Variants in SMYD3 observed in about 807,000 individuals in gnomAD.
The protein encoded by SMYD3 is histone-lysine N-methyltransferase SMYD3.
In SMYD3, 36 loss-of-function variants were observed where a neutral mutation model predicts 57.7. The observed-to-expected ratio is 0.62, with a 90% CI of 0.48 to 0.82. The LOEUF (loss-of-function observed/expected upper bound fraction) is 0.82. SMYD3 is among the 40% of genes least tolerant of loss of function. SMYD3 has a pLI of 0.00. For missense variants in SMYD3, 515 were observed against 538.8 expected (o/e 0.96, Z 0.44); for synonymous variants, 211 against 195.0 (o/e 1.08, Z -0.68).
In SMYD3 at chr1:245,769,489, G is replaced by A. The variant is rs146085175; in HGVS notation, c.1077-5340C>T. Among the ~76,000 whole-genome samples the A allele has an allele frequency of 5.7e-3, 870 of 152,264 alleles. 6 individuals are homozygous for A. The highest frequency in any genetic ancestry group is 0.019 in the African/African-American group (772 of 41,534). Reference sequence around the variant, plus strand: ...GGAAATTCTACAAAAGCCCGGACCCGGGATCTTCAACAAGTCAATCACATC... The same window carrying A: ...GGAAATTCTACAAAAGCCCGGACCCAGGATCTTCAACAAGTCAATCACATC... On this transcript the variant is annotated intron_variant, in intron 10 of 11. Transcript: ENST00000490107.
intron 1 of SMYD3, among the ~76,000 whole-genome samples, chr1:246,488,504 T>C (rs6693307): frequency 0.091 from 13,824 of 152,198 alleles, 2,038 homozygotes; most frequent in African/African-American, 0.31. Context: ...CCTGACAACC[T>C]GGTGAAACCC....
At chr1:245,753,567 C>T (rs890079686) in intron 11 of SMYD3, among the ~76,000 whole-genome samples, 1 of 131,364 alleles carries the variant, frequency 7.6e-6, no homozygotes, top group Admixed American at 7.3e-5. Flanking sequence ...AGACAGTCCT[C>T]AACAATGTAC....
At chr1:246,261,710 A>ATT (rs1225118547) in intron 5 of SMYD3, among the ~76,000 whole-genome samples, 37 of 151,636 alleles carry the variant, frequency 2.4e-4, no homozygotes, top group East Asian at 1.2e-3. Flanking sequence ...AAGAATTTAA[A>ATT]AAAAAAATCA....
At chr1:245,861,788 T>C (rs2051562956) in intron 9 of SMYD3, among the ~76,000 whole-genome samples, 1 of 152,206 alleles carries the variant, frequency 6.6e-6, no homozygotes, top group Non-Finnish European at 1.5e-5. Flanking sequence ...GATGCCGCCA[T>C]AAGTCTGTAT....
chr1:246,149,436 G>GT (rs2061907651), intron 5 of SMYD3, among the ~76,000 whole-genome samples: 1 of 152,050 alleles, frequency 6.6e-6, no homozygotes, highest in Non-Finnish European at 1.5e-5. Context: ...TTATTAATAT[G>GT]TTTCAAAATA....
intron 5 of SMYD3, among the ~76,000 whole-genome samples, chr1:246,024,009 G>A (rs983842741): frequency 6.6e-6 from 1 of 152,120 alleles, no homozygotes; most frequent in Non-Finnish European, 1.5e-5. Context: ...TGTTAGGTGG[G>A]AGGGGATAAA....
chr1:246,500,603 T>C (rs1311277652), intron 1 of SMYD3, among the ~76,000 whole-genome samples: 1 of 152,180 alleles, frequency 6.6e-6, no homozygotes, highest in Non-Finnish European at 1.5e-5. Context: ...GACCAGTTAC[T>C]ACTGGCAGCA....
chr1:246,266,457 T>C (rs980825385), intron 5 of SMYD3, among the ~76,000 whole-genome samples: 1 of 152,136 alleles, frequency 6.6e-6, no homozygotes, highest in Non-Finnish European at 1.5e-5. Flanking sequence ...ATGCCGATAG[T>C]GAAGTCTTAT....
chr1:246,104,264 C>T (rs12144716), intron 5 of SMYD3, among the ~76,000 whole-genome samples: 56,973 of 152,034 alleles, frequency 0.37, 14,259 homozygotes, highest in African/African-American at 0.69. Context: ...ATATGCAGAA[C>T]TGGGTAAATG....
At chr1:246,170,830 G>A (rs2062317078) in intron 5 of SMYD3, among the ~76,000 whole-genome samples, 1 of 152,100 alleles carries the variant, frequency 6.6e-6, no homozygotes, top group Admixed American at 6.6e-5. Flanking sequence ...GTCTTTCCAA[G>A]TAATCTTCTA....
At chr1:245,944,464 G>A (rs985412324) in intron 5 of SMYD3, among the ~76,000 whole-genome samples, 3 of 152,050 alleles carry the variant, frequency 2.0e-5, no homozygotes, top group East Asian at 3.9e-4. Flanking sequence ...CAAGGAGAAC[G>A]ATAAACCTCC....
chr1:246,376,954 T>A (rs937775281), intron 1 of SMYD3, among the ~76,000 whole-genome samples: 11 of 151,684 alleles, frequency 7.3e-5, no homozygotes, highest in African/African-American at 2.7e-4. Context: ...ACAAAAATTA[T>A]CTGGGCATGG....
At chr1:246,061,527 G>A (rs908556560) in intron 5 of SMYD3, among the ~76,000 whole-genome samples, 1 of 151,722 alleles carries the variant, frequency 6.6e-6, no homozygotes, top group African/African-American at 2.4e-5. Context: ...AGACCAGCCT[G>A]GGCAACACAG....
intron 5 of SMYD3, among the ~76,000 whole-genome samples, chr1:246,049,275 T>C (rs781039680): frequency 6.6e-6 from 1 of 151,974 alleles, no homozygotes; most frequent in Non-Finnish European, 1.5e-5. Flanking sequence ...TCGTTAAATA[T>C]ATACTATGTG....
intron 5 of SMYD3, among the ~76,000 whole-genome samples, chr1:246,307,275 G>T (rs1367207173): frequency 6.6e-6 from 1 of 152,150 alleles, no homozygotes; most frequent in East Asian, 1.9e-4. Context: ...ACCTTAAGTG[G>T]CTCTTTCTCT....
intron 1 of SMYD3, among the ~76,000 whole-genome samples, chr1:246,468,017 C>T (rs553048042): frequency 1.7e-4 from 26 of 151,840 alleles, no homozygotes; most frequent in Non-Finnish European, 2.6e-4. Flanking sequence ...AAAAATTAGG[C>T]GGGCGTGGTG....
chr1:246,072,929 C>A (rs1227215479), intron 5 of SMYD3, among the ~76,000 whole-genome samples: 1 of 152,210 alleles, frequency 6.6e-6, no homozygotes, highest in African/African-American at 2.4e-5. Context: ...AAATGAAGAA[C>A]TGCCTTTTTT....
intron 10 of SMYD3, among the ~76,000 whole-genome samples, chr1:245,822,663 A>G (rs981277555): frequency 2.6e-4 from 40 of 151,964 alleles, no homozygotes; most frequent in African/African-American, 9.4e-4. Context: ...GCACGATGCT[A>G]ACTTCCTCCG....
At chr1:246,149,028 AAGG>A (rs923129980) in intron 5 of SMYD3, among the ~76,000 whole-genome samples, 13 of 152,242 alleles carry the variant, frequency 8.5e-5, no homozygotes, top group African/African-American at 3.1e-4. Context: ...AGTTAGAGAC[AAGG>A]AGTAGACGCC....
Sources: gnomAD v4.1 joint callset for allele counts (sites outside exome capture counted in the v4.1 genomes callset) on GRCh38, gnomAD v4.1.1 for gene constraint, MANE v1.5 for transcripts, NCBI Gene and HGNC (gene_info 2026-07-23, HGNC 2026-07-21) for gene names.